PRRC2B: variants seen among roughly 807,000 people sequenced by gnomAD.
The protein encoded by PRRC2B is proline rich coiled-coil 2B.
PRRC2B carries 68 observed loss-of-function variants against 242.3 expected under a neutral mutation model. That is an observed-to-expected ratio of 0.28 (90% CI 0.23 to 0.34). The LOEUF is 0.34. Among genes scored for constraint, PRRC2B ranks in the 10% least tolerant of loss-of-function variants. The pLI is 1.00. For missense variants in PRRC2B, 2,835 were observed against 2,954.8 expected, an observed-to-expected ratio of 0.96 and a Z score of 0.94; for synonymous variants, 1,228 against 1,173.6, an observed-to-expected ratio of 1.05 and a Z score of -0.95.
chr9:131,379,841 G>C (rs1836732784), intron 1 of PRRC2B, among the ~76,000 whole-genome samples: 1 of 151,092 alleles, frequency 6.6e-6, no homozygotes, highest in Admixed American at 6.6e-5. Context: ...GGCTAGGCTG[G>C]CCTTTAACTC....
chr9:131,495,619 A>G, intron 31 of PRRC2B, 121 bp from the exon 32 acceptor site: 1 of 1,137,100 alleles, frequency 8.8e-7, no homozygotes, highest in Non-Finnish European at 1.2e-6. Context: ...CAACCAAGGG[A>G]CTGACAACTT....
At chr9:131,491,078 G>C in intron 28 of PRRC2B, 1 of 255,374 alleles carries the variant, frequency 3.9e-6, no homozygotes. Flanking sequence ...GCACTTGCTG[G>C]ACAAAGGCAG....
chr9:131,424,736 C>G (rs536011195), intron 1 of PRRC2B, among the ~76,000 whole-genome samples: 24 of 152,104 alleles, frequency 1.6e-4, no homozygotes, highest in Non-Finnish European at 2.6e-4. Flanking sequence ...AAACATTGTA[C>G]AAGCAGGTTA....
chr9:131,376,652 C>T (rs565111765), intron 1 of PRRC2B, among the ~76,000 whole-genome samples: 7 of 152,250 alleles, frequency 4.6e-5, no homozygotes, highest in South Asian at 2.1e-4. Context: ...CAGGAGGTGA[C>T]GTTTCCAGAG....
intron 11 of PRRC2B, among the ~76,000 whole-genome samples, chr9:131,460,403 T>C (rs1943208572): frequency 6.6e-6 from 1 of 152,214 alleles, no homozygotes. Context: ...TCATCTTTCT[T>C]GTGAAGAAGT....
In PRRC2B at chr9:131,482,676, CTG is replaced by C. The variant is rs758329897; in HGVS notation, c.5176-28_5176-27del. On this transcript the variant is annotated intron_variant, in intron 21 of 31. Coordinates refer to ENST00000683519, the MANE Select transcript of PRRC2B (RefSeq NM_013318.4). The surrounding 1 kb of genome is among the most constrained non-coding windows in gnomAD (Gnocchi z 5.2). Reference sequence around the variant, plus strand: ...AGCTAGAGAGTGTGGTCATTCCAGTCTGTGTGTCTCCACCTCTCTGCTTTTTT... The same window carrying C: ...AGCTAGAGAGTGTGGTCATTCCAGTCTGTGTCTCCACCTCTCTGCTTTTTT... 1.3e-6 allele frequency: 2 copies of C among 1,531,430 alleles called. No homozygotes were observed. Among genetic ancestry groups the C allele is most frequent in the Non-Finnish European group, 1.8e-6 (2 of 1,139,634 alleles). The allele number at this position is 1,531,430 out of a possible 1,614,324, so 94.9% of individuals were successfully genotyped here. A position where few individuals can be genotyped will look rare whatever the true frequency, so the allele number is the denominator to read the frequency against.
At chr9:131,464,056 C>G (rs1235499486) in intron 11 of PRRC2B, among the ~76,000 whole-genome samples, 1 of 152,000 alleles carries the variant, frequency 6.6e-6, no homozygotes, top group African/African-American at 2.4e-5. Flanking sequence ...ATTCTCCTGC[C>G]TCAGTTTCCC....
At position 131,495,843 on chromosome 9, in the gene PRRC2B, G is replaced by A. The variant is rs780735349; in HGVS notation, c.6659G>A (p.Arg2220Gln). The A allele has an allele frequency of 2.1e-5, 34 of 1,610,412 alleles. No individual in the cohort carries two copies. The highest frequency in any genetic ancestry group is 4.4e-5 in the South Asian group (4 of 91,014). Residue 2220 changes from arginine (R) to glutamine (Q), a missense_variant, in exon 32 of 32, where the codon CGG (arginine) becomes CAG (glutamine). This residue lies in a region of PRRC2B where 574 missense variants were observed against 626.0 expected (regional missense o/e 0.92). Transcript: ENST00000683519. The part of the protein sequence containing the change: ...QMKRTGAIKP[R>Q]AVKVEESKA ...AAGCGAACCGGAGCGATCAAGCCTC[G>A]GGCTGTCAAAGTGGAGGAGAGTAAG...
intron 1 of PRRC2B, among the ~76,000 whole-genome samples, chr9:131,422,413 G>C (rs1442459830): frequency 6.6e-6 from 1 of 152,126 alleles, no homozygotes; most frequent in Non-Finnish European, 1.5e-5. Flanking sequence ...TGTCAAACAG[G>C]CAGTAGTATC....
At chr9:131,420,459 T>C (rs1225550173) in intron 1 of PRRC2B, among the ~76,000 whole-genome samples, 4 of 9,534 alleles carry the variant, frequency 4.2e-4, no homozygotes, top group Non-Finnish European at 1.8e-3. Flanking sequence ...TTCTTTTTCT[T>C]TCTTTCTTTC....
chr9:131,373,921 C>T (rs1011131056), intron 1 of PRRC2B, among the ~76,000 whole-genome samples: 6 of 152,060 alleles, frequency 3.9e-5, no homozygotes, highest in Non-Finnish European at 7.4e-5. Context: ...TAGCAGGGCG[C>T]GGTGGCGGGC....
chr9:131,414,742 G>C lies in PRRC2B; in HGVS notation c.-51-15352G>C, dbSNP rs143749388. 3.4e-3 allele frequency among the ~76,000 whole-genome samples: 518 copies of C among 151,982 alleles called. 2 individuals are homozygous for C. The highest frequency in any genetic ancestry group is 0.012 in the African/African-American group (504 of 41,448). ...CTGCCACCACGCCCAACTGATTTTT[G>C]TATTTTTAGTAGAGATGGGGTTTCA... is the stretch of plus-strand genomic sequence containing the variant. On this transcript the variant is annotated intron_variant, in intron 1 of 31. Transcript: ENST00000683519.
At chr9:131,434,873 A>G (rs1221733956) in intron 3 of PRRC2B, among the ~76,000 whole-genome samples, 1 of 152,140 alleles carries the variant, frequency 6.6e-6, no homozygotes, top group Non-Finnish European at 1.5e-5. Context: ...AAATTCACTG[A>G]CACAGCCTTT....
chr9:131,485,041 T>C lies in PRRC2B; in HGVS notation c.5659T>C (p.Ser1887Pro). ...GAGSGIQPPS[S>P]VGASSGVNYS... ...TGGCTCAGGCATCCAGCCTCCATCC[T>C]CTGTGGGTGCCTCCAGCGGGGTCAA... Residue 1887 changes from serine (S) to proline (P), a missense_variant, in exon 25 of 32, where the codon TCT (serine) becomes CCT (proline). Around this residue, in one of 7 missense-constraint regions of PRRC2B, gnomAD observed 574 missense variants for 626.0 expected, o/e 0.92. Transcript: ENST00000683519. The C allele has an allele frequency of 7.4e-6, 12 of 1,612,072 alleles. No homozygotes were observed. Among genetic ancestry groups the C allele is most frequent in the Non-Finnish European group, 1.0e-5 (12 of 1,179,108 alleles).
intron 25 of PRRC2B, chr9:131,485,577 A>C (rs1434022102): frequency 1.3e-5 from 7 of 528,164 alleles, no homozygotes; most frequent in Non-Finnish European, 1.9e-5. Context: ...AGTCACTGGC[A>C]GCTACTTTTG....
At chr9:131,427,516 G>A (rs1476859725) in intron 1 of PRRC2B, among the ~76,000 whole-genome samples, 1 of 152,114 alleles carries the variant, frequency 6.6e-6, no homozygotes, top group Non-Finnish European at 1.5e-5. Flanking sequence ...ATTTTTAGTA[G>A]AGAAGGGGTT....
At chr9:131,481,845 T>G (rs1438520997) in intron 20 of PRRC2B, 37 bp downstream of exon 20, 6 of 1,495,096 alleles carry the variant, frequency 4.0e-6, no homozygotes, top group Admixed American at 2.0e-5. Flanking sequence ...GCCCCTGGGA[T>G]GAGTGTGTGA....
chr9:131,481,791 G>T lies in PRRC2B; in HGVS notation c.4966G>T (p.Glu1656Ter). The change falls in exon 20 of 32, where the codon GAG becomes TAG. Residue 1656 changes from glutamate to a stop codon, truncating the protein, a stop_gained. Transcript: ENST00000683519. LOFTEE classifies it high-confidence loss of function. ...RKAVTAFSST[E>*]TGSAEQGFKS... ...AGCTGTCACTGCCTTCAGCAGCACC[G>T]AGACTGGCTCTGCGGAGGTGAGTGT... 6.4e-7 allele frequency: 1 copy of T among 1,560,996 alleles called. No homozygotes were observed.
In PRRC2B at chr9:131,497,215, G is replaced by A. The variant is rs1221313248; in HGVS notation, c.*1341G>A. ...TTCAGACGGCGGGGGCAGGTCCAGGGTGAGGCTGGGTGGAGGGCTGACCAA... is the reference window on the plus strand; with the variant it reads ...TTCAGACGGCGGGGGCAGGTCCAGGATGAGGCTGGGTGGAGGGCTGACCAA... On this transcript the variant is annotated 3_prime_UTR_variant, in exon 32 of 32. Coordinates refer to ENST00000683519, the MANE Select transcript of PRRC2B (RefSeq NM_013318.4). The A allele has an allele frequency of 6.6e-6, 1 of 152,432 alleles. No homozygotes were observed. The highest frequency in any genetic ancestry group is 1.5e-5 in the Non-Finnish European group (1 of 68,184). 9.4% of individuals were successfully genotyped at this position (152,432 alleles called of 1,614,324 possible).
Sources: allele counts gnomAD v4.1 joint callset (sites outside exome capture counted in the v4.1 genomes callset), GRCh38; gene constraint gnomAD v4.1.1; regional missense constraint gnomAD v4.1.1; non-coding constraint Gnocchi (gnomAD v3.1); transcripts MANE v1.5; gene names NCBI Gene and HGNC (gene_info 2026-07-23, HGNC 2026-07-21).